Variants in SIRT1 observed in about 807,000 individuals in gnomAD.
The protein encoded by SIRT1 is sirtuin 1.
A neutral mutation model predicts 67.9 loss-of-function variants in SIRT1; 24 were observed. The observed-to-expected ratio is 0.35, with a 90% CI of 0.26 to 0.50. SIRT1 has a LOEUF of 0.50. Ranked by LOEUF, SIRT1 falls within the 20% of genes least tolerant of loss-of-function variation. The pLI is 0.98. For synonymous variants in SIRT1, 378 were observed against 350.7 expected, an observed-to-expected ratio of 1.08 and a Z score of -0.87; for missense variants, 873 against 937.2, an observed-to-expected ratio of 0.93 and a Z score of 0.89.
Position 67,912,725 on chromosome 10 carries a change from G to C in SIRT1, c.1609G>C (p.Asp537His). The C allele has an allele frequency of 6.2e-7, 1 of 1,614,086 alleles. No homozygotes were observed. The highest frequency in any genetic ancestry group is 1.1e-5 in the South Asian group (1 of 91,086). ...ACCCACACCTCTTCATGTTTCAGAAGACTCAAGTTCACCAGAAAGAACTTC... is the reference window on the plus strand; with the variant it reads ...ACCCACACCTCTTCATGTTTCAGAACACTCAAGTTCACCAGAAAGAACTTC... ...LPPTPLHVSEDSSSPERTSPP... is the reference protein window; with the variant it reads ...LPPTPLHVSEHSSSPERTSPP... Residue 537 changes from aspartate (D) to histidine (H), a missense_variant, in exon 8 of 9, where the codon GAC becomes CAC. Transcript: ENST00000212015.
In SIRT1 at chr10:67,885,050, C is replaced by G. The variant is rs1326686646; in HGVS notation, c.329C>G (p.Pro110Arg). The G allele has an allele frequency of 2.1e-6, 3 of 1,427,350 alleles. No individual in the cohort carries two copies. The African/African-American group carries it at 4.5e-5, about 21-fold the overall frequency. 88.4% of individuals were successfully genotyped at this position (1,427,350 alleles called of 1,614,324 possible). Residue 110 changes from proline to arginine, a missense_variant, in exon 1 of 9, where the codon CCA becomes CGA. By Grantham distance (103) the Pro-to-Arg change is moderately radical. This residue lies in a region of SIRT1 where 327 missense variants were observed against 283.9 expected (regional missense o/e 1.15). Coordinates refer to ENST00000212015, the MANE Select transcript of SIRT1 (RefSeq NM_012238.5). ...GACAATGGGCCGGGCCTGCAGGGCCCATCTCGGGAGCCACCGCTGGCCGAC... is the reference window on the plus strand; with the variant it reads ...GACAATGGGCCGGGCCTGCAGGGCCGATCTCGGGAGCCACCGCTGGCCGAC... ...EGDNGPGLQG[P>R]SREPPLADNL...
Position 67,885,136 on chromosome 10 carries a change from G to T in SIRT1, c.415G>T (p.Ala139Ser), listed in dbSNP as rs1023430455. 7.0e-7 allele frequency: 1 copy of T among 1,427,226 alleles called. No individual in the cohort carries two copies. The highest frequency in any genetic ancestry group is 2.9e-5 in the Admixed American group (1 of 34,032). 88.4% of individuals were successfully genotyped at this position (1,427,226 alleles called of 1,614,324 possible). The stretch of plus-strand genomic sequence containing the variant: ...GGAGGAGGAAGAGGCGGCGGCGGCG[G>T]CGATTGGGTACCGAGGTGCGCAGGG... ...GEEEEEAAAA[A>S]IGYRDNLLFG... is the part of the protein sequence containing the mutation. Residue 139 changes from alanine to serine, a missense_variant, in exon 1 of 9, where the codon GCG becomes TCG. Physicochemically the swap from Ala to Ser is moderately conservative, Grantham distance 99. Transcript: ENST00000212015.
At chr10:67,907,794 A>G (rs1440713370) in intron 5 of SIRT1, among the ~76,000 whole-genome samples, 1 of 152,116 alleles carries the variant, frequency 6.6e-6, no homozygotes, top group African/African-American at 2.4e-5. Flanking sequence ...GCATCATTAT[A>G]TTAGTGTCTC....
rs1268649855 is a variant in SIRT1 at position 67,891,419 on chromosome 10, A to C, written c.807A>C (p.Gly269=). The C allele has an allele frequency of 1.2e-6, 2 of 1,613,932 alleles. No homozygotes were observed. Among genetic ancestry groups the C allele is most frequent in the Admixed American group, 3.3e-5 (2 of 59,984 alleles). Residue 269 remains glycine, a synonymous_variant, in exon 4 of 9, where the codon GGA becomes GGC. Transcript: ENST00000212015. ...LTGAGVSVSC[G]IPDFRSRDGI... The stretch of plus-strand genomic sequence containing the variant: ...CATTTTAGGTGTCTGTTTCATGTGG[A>C]ATACCTGACTTCAGGTCAAGGGATG...
chr10:67,906,589 C>G, intron 4 of SIRT1, among the ~76,000 whole-genome samples: 1 of 152,120 alleles, frequency 6.6e-6, no homozygotes, highest in Non-Finnish European at 1.5e-5. Flanking sequence ...GGGCCAAGTT[C>G]ACTAATTGCT....
chr10:67,898,279 GA>G (rs915420057), intron 4 of SIRT1, among the ~76,000 whole-genome samples: 5 of 144,786 alleles, frequency 3.5e-5, no homozygotes, highest in African/African-American at 1.0e-4. Flanking sequence ...AAAAAGAAAA[GA>G]AAAAAAAAGA....
intron 4 of SIRT1, among the ~76,000 whole-genome samples, chr10:67,902,020 G>A (rs934760127): frequency 2.0e-5 from 3 of 152,108 alleles, no homozygotes; most frequent in Non-Finnish European, 4.4e-5. Context: ...ACGAAGTCTC[G>A]CTCTTGTCCC....
chr10:67,907,875 A>G (rs1003404536), intron 5 of SIRT1, among the ~76,000 whole-genome samples, 171 bp from the exon 6 acceptor site: 3 of 152,250 alleles, frequency 2.0e-5, no homozygotes, highest in East Asian at 3.8e-4. Flanking sequence ...CTCCTGTAGT[A>G]TATCACAAAA....
intron 2 of SIRT1, among the ~76,000 whole-genome samples, chr10:67,888,210 A>G (rs995561954): frequency 6.6e-6 from 1 of 152,210 alleles, no homozygotes; most frequent in Non-Finnish European, 1.5e-5. Flanking sequence ...AGGTATAACC[A>G]TCTTGAAAGT....
Position 67,909,436 on chromosome 10 carries a change from A to AT in SIRT1, c.1353dup (p.Pro452SerfsTer7). ...CCTCAAAGTAAGACCAGTAGCACTA[A>AT]TTCCAAGTAAGTTGGTGATGGTTTT... On this transcript the variant is annotated frameshift_variant, in exon 7 of 9. Coordinates refer to ENST00000212015, the MANE Select transcript of SIRT1 (RefSeq NM_012238.5). LOFTEE classifies it high-confidence loss of function. 1 of 1,601,814 alleles carries AT rather than the reference A, an allele frequency of 6.2e-7. No homozygotes were observed. Among genetic ancestry groups the AT allele is most frequent in the Non-Finnish European group, 8.5e-7 (1 of 1,176,662 alleles).
chr10:67,901,849 G>C lies in SIRT1; in HGVS notation c.943-4941G>C, dbSNP rs535253749. The stretch of plus-strand genomic sequence containing the variant: ...AATCAACAAATAAAGTTTATGTGGT[G>C]TACAACATGATGTTTTGATGTGTGT... On this transcript the variant is annotated intron_variant, in intron 4 of 8. Transcript: ENST00000212015. Among the ~76,000 whole-genome samples the C allele has an allele frequency of 3.3e-5, 5 of 152,320 alleles. No homozygotes were observed. In the South Asian group the frequency reaches 1.0e-3, roughly 32 times the overall value.
rs890129916 is a variant in SIRT1, at chr10:67,907,944, A to G, written c.1091-102A>G. Reference sequence around the variant, plus strand: ...TAAAAACAAAAACAAAAATCCTTAAACCCTCTTAACATTTGTGATGTTAAA... The same window carrying G: ...TAAAAACAAAAACAAAAATCCTTAAGCCCTCTTAACATTTGTGATGTTAAA... On this transcript the variant is annotated intron_variant, in intron 5 of 8. Transcript: ENST00000212015. 23 of 957,666 alleles carry G rather than the reference A, an allele frequency of 2.4e-5. No individual in the cohort carries two copies. In the East Asian group the frequency reaches 2.8e-4, roughly 12 times the overall value. 59.3% of individuals were successfully genotyped at this position (957,666 alleles called of 1,614,324 possible). A position where few individuals can be genotyped will look rare whatever the true frequency, so the allele number is the denominator to read the frequency against.
chr10:67,899,985 G>T (rs1388029845), intron 4 of SIRT1, among the ~76,000 whole-genome samples: 8 of 152,104 alleles, frequency 5.3e-5, no homozygotes, highest in Non-Finnish European at 1.2e-4. Flanking sequence ...TCGGAAGGCT[G>T]AGGGAGGAGA....
chr10:67,886,703 A>G (rs1842487512), intron 1 of SIRT1, among the ~76,000 whole-genome samples: 1 of 152,286 alleles, frequency 6.6e-6, no homozygotes, highest in South Asian at 2.1e-4. Context: ...TAGAGGAAAC[A>G]ATGCAGAGGT....
At chr10:67,915,600 A>T (rs2029886167) in intron 8 of SIRT1, among the ~76,000 whole-genome samples, 2 of 152,200 alleles carry the variant, frequency 1.3e-5, no homozygotes, top group South Asian at 4.1e-4. Context: ...GATACTGTAG[A>T]TTCACAGTGT....
intron 7 of SIRT1, among the ~76,000 whole-genome samples, chr10:67,912,178 T>C (rs941951216): frequency 1.3e-5 from 2 of 152,164 alleles, no homozygotes. Flanking sequence ...AGTACTATTA[T>C]CATCCCCATT....
intron 4 of SIRT1, among the ~76,000 whole-genome samples, chr10:67,905,078 AT>A (rs1564890330): frequency 6.6e-6 from 1 of 152,012 alleles, no homozygotes; most frequent in Non-Finnish European, 1.5e-5. Context: ...GAGTTATTTT[AT>A]TTTTTAAATT....
intron 4 of SIRT1, among the ~76,000 whole-genome samples, chr10:67,903,164 G>T (rs1222215560): frequency 6.6e-6 from 1 of 152,082 alleles, no homozygotes; most frequent in Non-Finnish European, 1.5e-5. Flanking sequence ...CACGATCATA[G>T]AGTACTACAG....
intron 4 of SIRT1, among the ~76,000 whole-genome samples, chr10:67,895,148 A>C (rs1842633693): frequency 1.3e-5 from 2 of 151,420 alleles, no homozygotes; most frequent in Non-Finnish European, 2.9e-5. Context: ...GTCTGGGCAC[A>C]GTGGCTCACA....
Sources: allele counts gnomAD v4.1 joint callset (sites outside exome capture counted in the v4.1 genomes callset), GRCh38; gene constraint gnomAD v4.1.1; regional missense constraint gnomAD v4.1.1; transcripts MANE v1.5; gene names NCBI Gene and HGNC (gene_info 2026-07-23, HGNC 2026-07-21).